Variants in TLL1 observed in about 807,000 individuals in gnomAD.
TLL1 encodes the protein tolloid like 1.
Under a neutral mutation model 128.2 loss-of-function variants are expected in TLL1, and 49 were observed. The ratio of observed to expected loss-of-function variants is 0.38; its 90% CI spans 0.30 to 0.48. TLL1 has a LOEUF of 0.48. Ranked by LOEUF, TLL1 falls within the 20% of genes least tolerant of loss-of-function variation. The pLI is 0.96. For missense variants in TLL1, 1,123 were observed against 1,242.0 expected (o/e 0.90, Z 1.44); for synonymous variants, 454 against 418.8 (o/e 1.08, Z -1.03).
At chr4:166,059,899 C>A in intron 14 of TLL1, 129 bp from the exon 15 acceptor site, 1 of 1,140,916 alleles carries the variant, frequency 8.8e-7, no homozygotes, top group Non-Finnish European at 1.3e-6. Context: ...ACTGCCATTT[C>A]TGGATTTTAA....
chr4:166,027,880 T>A (rs2111073819), intron 9 of TLL1, among the ~76,000 whole-genome samples: 1 of 152,258 alleles, frequency 6.6e-6, no homozygotes, highest in East Asian at 1.9e-4. Context: ...GCTAATTTAT[T>A]TTTCTTGTAT....
At chr4:165,918,122 T>G (rs897688393) in intron 1 of TLL1, among the ~76,000 whole-genome samples, 6 of 152,220 alleles carry the variant, frequency 3.9e-5, no homozygotes, top group Admixed American at 1.3e-4. Context: ...GTAATGTACA[T>G]GTAAGATAAT....
intron 1 of TLL1, among the ~76,000 whole-genome samples, chr4:165,986,631 T>C (rs1463709891): frequency 5.9e-5 from 9 of 152,032 alleles, no homozygotes; most frequent in East Asian, 3.9e-4. Flanking sequence ...TGGCAATAAA[T>C]AAATGGGCTT....
At position 165,992,841 on chromosome 4, in the gene TLL1, G is replaced by C; in HGVS notation, c.318G>C (p.Gly106=). 1 of 1,613,200 alleles carries C rather than the reference G, an allele frequency of 6.2e-7. No individual in the cohort carries two copies. Among genetic ancestry groups the C allele is most frequent in the South Asian group, 1.1e-5 (1 of 91,058 alleles). ...LGDHAMSKKR[G]ALYQLIDRIR... is the part of the protein sequence containing the mutation. ...ACCATGCTATGTCAAAGAAGCGAGG[G>C]GCCCTCTACCAACTTATAGACAGGA... The change falls in exon 3 of 21, where the codon GGG becomes GGC. Residue 106 remains glycine (G), a synonymous_variant. Coordinates refer to ENST00000061240, the MANE Select transcript of TLL1 (RefSeq NM_012464.5).
At chr4:166,051,415 G>A (rs190778198) in intron 12 of TLL1, among the ~76,000 whole-genome samples, 21 of 150,800 alleles carry the variant, frequency 1.4e-4, no homozygotes, top group Admixed American at 1.2e-3. Flanking sequence ...TACTGATGAA[G>A]CTTAAACTTA....
intron 1 of TLL1, among the ~76,000 whole-genome samples, chr4:165,885,401 T>G (rs2125863): frequency 0.11 from 16,239 of 151,716 alleles, 958 homozygotes; most frequent in East Asian, 0.17. Context: ...GGGGAAGGTG[T>G]TCACACCTCT....
At chr4:166,013,896 G>GTT (rs537029284) in intron 7 of TLL1, among the ~76,000 whole-genome samples, 17 of 149,856 alleles carry the variant, frequency 1.1e-4, no homozygotes, top group African/African-American at 3.7e-4. Flanking sequence ...GGCATTCTTT[G>GTT]TTTTTTTTTA....
chr4:165,988,589 C>T (rs1320975109), intron 1 of TLL1, among the ~76,000 whole-genome samples: 6 of 151,958 alleles, frequency 3.9e-5, no homozygotes, highest in Non-Finnish European at 7.4e-5. Flanking sequence ...GAGCCGTGAT[C>T]GCACCACTGC....
At position 166,102,408 on chromosome 4, in the gene TLL1, A is replaced by G. The variant is rs754390866; in HGVS notation, c.*1532A>G. The G allele has an allele frequency of 6.6e-6, 1 of 152,448 alleles. No homozygotes were observed. Among genetic ancestry groups the G allele is most frequent in the Non-Finnish European group, 1.5e-5 (1 of 67,922 alleles). 9.4% of individuals were successfully genotyped at this position (152,448 alleles called of 1,614,324 possible). ...CTGAGTGAGTGAAACTACAAGAGGT[A>G]AAAAATAATGGGTGGTTGAAAAGTT... is the stretch of plus-strand genomic sequence containing the variant. On this transcript the variant is annotated 3_prime_UTR_variant, in exon 21 of 21. Transcript: ENST00000061240.
Position 165,877,806 on chromosome 4 carries a change from G to A in TLL1, c.169+3733G>A, listed in dbSNP as rs1299123947. Among the ~76,000 whole-genome samples the A allele has an allele frequency of 5.5e-5, 8 of 146,740 alleles. No homozygotes were observed. The East Asian group carries it at 9.9e-4, about 18-fold the overall frequency. On this transcript the variant is annotated intron_variant, in intron 1 of 20. Coordinates refer to ENST00000061240, the MANE Select transcript of TLL1 (RefSeq NM_012464.5). Reference sequence around the variant, plus strand: ...TTTTTTTTTCTTTTTTTGTATTTACGGGAATATTAAGAAAGCTCAGGCAAT... The same window carrying A: ...TTTTTTTTTCTTTTTTTGTATTTACAGGAATATTAAGAAAGCTCAGGCAAT...
chr4:166,073,579 C>T (rs1374889221), intron 16 of TLL1, among the ~76,000 whole-genome samples: 1 of 152,032 alleles, frequency 6.6e-6, no homozygotes, highest in Non-Finnish European at 1.5e-5. Flanking sequence ...ACATAAATCA[C>T]AAATACACTA....
intron 1 of TLL1, among the ~76,000 whole-genome samples, chr4:165,889,700 T>G (rs1330269778): frequency 3.3e-5 from 5 of 152,246 alleles, no homozygotes. Context: ...CATCTTTTGA[T>G]GCTTAGGTGA....
At chr4:166,037,360 A>G (rs1739051496) in intron 9 of TLL1, among the ~76,000 whole-genome samples, 1 of 152,232 alleles carries the variant, frequency 6.6e-6, no homozygotes, top group Admixed American at 6.5e-5. Context: ...GTTGAGGATT[A>G]TTGGTAAAAA....
At chr4:165,889,399 C>T (rs959327664) in intron 1 of TLL1, among the ~76,000 whole-genome samples, 2 of 152,114 alleles carry the variant, frequency 1.3e-5, no homozygotes, top group Non-Finnish European at 2.9e-5. Context: ...GTGATAAATC[C>T]AGAAGTTTTT....
intron 8 of TLL1, among the ~76,000 whole-genome samples, chr4:166,021,250 T>G (rs1034767605): frequency 1.3e-5 from 2 of 152,058 alleles, no homozygotes; most frequent in African/African-American, 4.8e-5. Flanking sequence ...TAGCTATTTC[T>G]TTTAATTTAT....
chr4:165,888,082 C>T (rs1025466795), intron 1 of TLL1, among the ~76,000 whole-genome samples: 5 of 152,092 alleles, frequency 3.3e-5, no homozygotes, highest in African/African-American at 7.2e-5. Flanking sequence ...TGCAAATAAA[C>T]GTGGTTTTAT....
chr4:166,036,622 T>C (rs982714430), intron 9 of TLL1, among the ~76,000 whole-genome samples: 11 of 152,188 alleles, frequency 7.2e-5, no homozygotes, highest in African/African-American at 2.4e-4. Flanking sequence ...CAGAGCCCTA[T>C]GATTTGATTT....
intron 13 of TLL1, among the ~76,000 whole-genome samples, chr4:166,056,310 T>C (rs1428838360): frequency 6.6e-6 from 1 of 152,026 alleles, no homozygotes; most frequent in Non-Finnish European, 1.5e-5. Flanking sequence ...ATGTTTACTA[T>C]TTGTCTAACT....
intron 1 of TLL1, among the ~76,000 whole-genome samples, chr4:165,898,275 G>A (rs1369266369): frequency 6.6e-6 from 1 of 152,192 alleles, no homozygotes; most frequent in Non-Finnish European, 1.5e-5. Flanking sequence ...TGTTGAATAG[G>A]AGTGGTGAGA....
Sources: allele counts gnomAD v4.1 joint callset (sites outside exome capture counted in the v4.1 genomes callset), GRCh38; gene constraint gnomAD v4.1.1; transcripts MANE v1.5; gene names NCBI Gene and HGNC (gene_info 2026-07-23, HGNC 2026-07-21).